RTL4: variants seen among roughly 807,000 people sequenced by gnomAD.
The protein encoded by RTL4 is retrotransposon Gag like 4.
Under a neutral mutation model 5.3 loss-of-function variants are expected in RTL4, and 4 were observed. The observed-to-expected ratio is 0.75, with a 90% confidence interval of 0.37 to 1.72. The LOEUF is 1.72. Ranked by LOEUF, RTL4 falls within the 40% of genes most tolerant of loss-of-function variation. The probability of loss-of-function intolerance (pLI) is 0.04; values close to 1 mark genes in which losing one functional copy is unlikely to be tolerated. For synonymous variants in RTL4, 98 were observed against 87.3 expected, an observed-to-expected ratio of 1.12 and a Z score of -0.68; for missense variants, 260 against 227.1, an observed-to-expected ratio of 1.14 and a Z score of -0.93.
chrX:112,299,910 A>G, the RTL4 span, among the ~76,000 whole-genome samples: 1 of 111,411 alleles, frequency 9.0e-6, no homozygotes, highest in East Asian at 2.8e-4. Flanking sequence ...ACACACACAC[A>G]TACACACACA....
chrX:112,183,718 G>A, the RTL4 span, among the ~76,000 whole-genome samples: 13 of 111,847 alleles, frequency 1.2e-4, no homozygotes, highest in African/African-American at 3.9e-4. Flanking sequence ...AATGTAGATG[G>A]CGGGTTGATG....
chrX:112,083,034 C>A, the RTL4 span, among the ~76,000 whole-genome samples: 1 of 110,051 alleles, frequency 9.1e-6, no homozygotes, highest in South Asian at 3.9e-4. Flanking sequence ...TGCAGCTCCG[C>A]GGCCAGGGGT....
At chrX:112,245,668 T>C in the RTL4 span, among the ~76,000 whole-genome samples, 4 of 95,803 alleles carry the variant, frequency 4.2e-5, no homozygotes, top group Non-Finnish European at 8.0e-5. Context: ...GAGTAGTTTG[T>C]TATTACCGAC....
chrX:112,337,490 C>T, the RTL4 span, among the ~76,000 whole-genome samples: 1 of 110,962 alleles, frequency 9.0e-6, no homozygotes, highest in Non-Finnish European at 1.9e-5. Context: ...ACCATGTTGG[C>T]CAGTCTGGTC....
At chrX:112,202,537 C>CATT in the RTL4 span, among the ~76,000 whole-genome samples, 16,101 of 97,050 alleles carry the variant, frequency 0.17, 1,264 homozygotes, top group Non-Finnish European at 0.2. Flanking sequence ...TAGTTTTATT[C>CATT]ATTATTATTA....
chrX:112,264,561 T>TA, the RTL4 span, among the ~76,000 whole-genome samples: 1 of 112,547 alleles, frequency 8.9e-6, no homozygotes, highest in Admixed American at 9.4e-5. Flanking sequence ...TGTTTGTGTG[T>TA]ATATGTTCAT....
the RTL4 span, among the ~76,000 whole-genome samples, chrX:112,404,145 T>G: frequency 1.8e-5 from 2 of 111,378 alleles, no homozygotes; most frequent in African/African-American, 6.5e-5. Flanking sequence ...GTTCACTGTT[T>G]ATGTGGGGCA....
the RTL4 span, among the ~76,000 whole-genome samples, chrX:112,219,414 T>A: frequency 1.8e-5 from 2 of 112,275 alleles, no homozygotes; most frequent in Non-Finnish European, 3.8e-5. Flanking sequence ...GGACATGTGG[T>A]TTAATAAATA....
the RTL4 span, among the ~76,000 whole-genome samples, chrX:112,154,151 C>T: frequency 9.0e-6 from 1 of 111,052 alleles, no homozygotes. Context: ...TTTTATTTAC[C>T]GTACTTTTCA....
At chrX:112,443,812 G>A in the RTL4 span, among the ~76,000 whole-genome samples, 14 of 111,289 alleles carry the variant, frequency 1.3e-4, no homozygotes, top group Non-Finnish European at 2.1e-4. Flanking sequence ...AGTTGTTGGA[G>A]CTCCTTATAT....
the RTL4 span, among the ~76,000 whole-genome samples, chrX:112,123,045 G>C: frequency 4.5e-5 from 5 of 111,429 alleles, no homozygotes; most frequent in African/African-American, 1.6e-4. Context: ...CTCTGTGGAA[G>C]AATAACTTAC....
At chrX:112,223,825 T>C in the RTL4 span, among the ~76,000 whole-genome samples, 42 of 112,080 alleles carry the variant, frequency 3.7e-4, no homozygotes, top group African/African-American at 1.4e-3. Context: ...ATGAAGTTCC[T>C]CTTCATATCT....
the RTL4 span, among the ~76,000 whole-genome samples, chrX:112,358,679 C>A: frequency 9.0e-6 from 1 of 111,438 alleles, no homozygotes; most frequent in African/African-American, 3.3e-5. Context: ...GCAGCACTAA[C>A]CTCTGCCACA....
chrX:112,431,445 G>A, the RTL4 span, among the ~76,000 whole-genome samples: 424 of 111,270 alleles, frequency 3.8e-3, 2 homozygotes, highest in African/African-American at 0.013. Context: ...TGACAGAGTC[G>A]CCCTGGAGTT....
At chrX:112,346,470 A>T in the RTL4 span, among the ~76,000 whole-genome samples, 2 of 111,994 alleles carry the variant, frequency 1.8e-5, no homozygotes, top group African/African-American at 6.5e-5. Context: ...TCCTTTGAAG[A>T]CAAAGAAGTC....
At chrX:112,423,379 C>T in the RTL4 span, among the ~76,000 whole-genome samples, 1 of 109,716 alleles carries the variant, frequency 9.1e-6, no homozygotes, top group African/African-American at 3.3e-5. Context: ...GCACCCCCTG[C>T]CCCCCGCCCA....
chrX:112,187,677 C>T, the RTL4 span, among the ~76,000 whole-genome samples: 2 of 111,643 alleles, frequency 1.8e-5, no homozygotes, highest in East Asian at 2.8e-4. Flanking sequence ...AACCTACCCA[C>T]GGAAGGATAT....
At chrX:112,207,886 TG>T in the RTL4 span, among the ~76,000 whole-genome samples, 1 of 110,588 alleles carries the variant, frequency 9.0e-6, no homozygotes, top group Non-Finnish European at 1.9e-5. Context: ...CACACAACAC[TG>T]GGCCCTAGTG....
chrX:112,269,577 G>A, the RTL4 span, among the ~76,000 whole-genome samples: 1 of 111,697 alleles, frequency 9.0e-6, no homozygotes, highest in South Asian at 3.7e-4. Flanking sequence ...AATTATGGAA[G>A]GTAGATAATG....
Sources: allele counts gnomAD v4.1 joint callset (sites outside exome capture counted in the v4.1 genomes callset), GRCh38; gene constraint gnomAD v4.1.1; transcripts MANE v1.5; gene names NCBI Gene and HGNC (gene_info 2026-07-23, HGNC 2026-07-21).